SPINT4: variants seen among roughly 807,000 people sequenced by gnomAD.
The protein encoded by SPINT4 is kunitz-type protease inhibitor 4.
Under a neutral mutation model 9.4 loss-of-function variants are expected in SPINT4, and 7 were observed. The ratio of observed to expected loss-of-function variants is 0.74; its 90% confidence interval spans 0.42 to 1.40. SPINT4 has a LOEUF of 1.40. Ranked by LOEUF, SPINT4 falls within the 40% of genes most tolerant of loss-of-function variation. The pLI is 0.01. For synonymous variants in SPINT4, 36 were observed against 39.9 expected (o/e 0.90, Z 0.37); for missense variants, 105 against 114.4 (o/e 0.92, Z 0.37).
intron 2 of SPINT4, among the ~76,000 whole-genome samples, chr20:45,725,347 A>T (rs1978350718): frequency 6.6e-6 from 1 of 151,888 alleles, no homozygotes; most frequent in African/African-American, 2.4e-5. Flanking sequence ...TTCCCAGGAG[A>T]ACTGGCTGGA....
At chr20:45,725,544 G>C in intron 2 of SPINT4, 85 bp from the exon 3 acceptor site, 1 of 1,447,398 alleles carries the variant, frequency 6.9e-7, no homozygotes, top group Non-Finnish European at 9.7e-7. Context: ...CTTTCCCTAG[G>C]ATAAAAAATG....
chr20:45,725,531 G>A, intron 2 of SPINT4, 98 bp from the exon 3 acceptor site: 1 of 1,302,046 alleles, frequency 7.7e-7, no homozygotes, highest in Non-Finnish European at 1.1e-6. Flanking sequence ...GGCATCCTCT[G>A]TGCTTTCCCT....
chr20:45,722,585 T>G, intron 1 of SPINT4, 103 bp downstream of exon 1: 1 of 820,180 alleles, frequency 1.2e-6, no homozygotes, highest in Non-Finnish European at 2.0e-6. Flanking sequence ...AAGGTCTTCC[T>G]TTCATGACAA....
rs558091987 is a variant in SPINT4, at chr20:45,722,554, G to A, written c.115+72G>A. The A allele has an allele frequency of 9.5e-5, 109 of 1,144,426 alleles. No homozygotes were observed. The South Asian group carries it at 9.9e-4, about 10-fold the overall frequency. The allele number at this position is 1,144,426 out of a possible 1,614,324, so 70.9% of individuals were successfully genotyped here. On this transcript the variant is annotated intron_variant, in intron 1 of 2. Transcript: ENST00000279058. ...AGAGAGAAGGTATTGGGAGAAAAGT[G>A]TGTTATCTAGGTAGTCCAGGAAGGT...
chr20:45,723,864 G>A lies in SPINT4; in HGVS notation c.116-16G>A, dbSNP rs1169590672. ...CTTACCAATTCCCACTAACTCAATG[G>A]GAACCTCTCATGCAGATCCCTGCAA... On this transcript the variant is annotated splice_polypyrimidine_tract_variant and intron_variant, in intron 1 of 2. Transcript: ENST00000279058. 4 of 1,547,726 alleles carry A rather than the reference G, an allele frequency of 2.6e-6. No homozygotes were observed. Among genetic ancestry groups the A allele is most frequent in the African/African-American group, 1.4e-5 (1 of 70,382 alleles).
At chr20:45,725,493 A>G (rs1025611891) in intron 2 of SPINT4, 136 bp from the exon 3 acceptor site, 35 of 896,840 alleles carry the variant, frequency 3.9e-5, no homozygotes, top group Non-Finnish European at 4.6e-5. Context: ...AGATTAATCA[A>G]TAAAATAAGG....
rs1555809002 is a variant in SPINT4, at chr20:45,725,013, T to TATATATATACACAC, written c.294-607_294-606insCACACATATATATA. Among the ~76,000 whole-genome samples the TATATATATACACAC allele has an allele frequency of 1.3e-3, 64 of 49,524 alleles. 11 individuals carry two copies. Among genetic ancestry groups the TATATATATACACAC allele is most frequent in the African/African-American group, 9.6e-3 (62 of 6,468 alleles). The allele number at this position is 49,524 out of a possible 152,430, so 32.5% of individuals were successfully genotyped here. A position where few individuals can be genotyped will look rare whatever the true frequency, so the allele number is the denominator to read the frequency against. On this transcript the variant is annotated intron_variant, in intron 2 of 2. Transcript: ENST00000279058. ...AAAAAAAAATATATATATATATATATATATATATATATATCAATAGATATA... is the reference window on the plus strand; with the variant it reads ...AAAAAAAAATATATATATATATATATATATATATACACACATATATATATATATCAATAGATATA...
intron 2 of SPINT4, among the ~76,000 whole-genome samples, chr20:45,724,530 A>C (rs1450547084): frequency 7.0e-6 from 1 of 143,190 alleles, no homozygotes; most frequent in Non-Finnish European, 1.5e-5. Flanking sequence ...AAAAAAAAAA[A>C]AAACCACATT....
In SPINT4 at chr20:45,725,015, T is replaced by TATATACACAC. The variant is rs1555809007; in HGVS notation, c.294-609_294-608insCACACATATA. 8.8e-5 allele frequency among the ~76,000 whole-genome samples: 10 copies of TATATACACAC among 113,522 alleles called. 1 individual carries two copies. Among genetic ancestry groups the TATATACACAC allele is most frequent in the African/African-American group, 3.8e-4 (10 of 26,078 alleles). 74.5% of individuals were successfully genotyped at this position (113,522 alleles called of 152,430 possible). A position where few individuals can be genotyped will look rare whatever the true frequency, so the allele number is the denominator to read the frequency against. ...AAAAAAATATATATATATATATATA[T>TATATACACAC]ATATATATATATCAATAGATATATA... is the stretch of plus-strand genomic sequence containing the variant. On this transcript the variant is annotated intron_variant, in intron 2 of 2. Coordinates refer to ENST00000279058, the MANE Select transcript of SPINT4 (RefSeq NM_178455.3).
chr20:45,723,135 C>T (rs1397088134), intron 1 of SPINT4, among the ~76,000 whole-genome samples: 1 of 152,072 alleles, frequency 6.6e-6, no homozygotes, highest in Non-Finnish European at 1.5e-5. Context: ...CAGAAAAGTG[C>T]CTGCTGCAGA....
chr20:45,723,868 C>T lies in SPINT4; in HGVS notation c.116-12C>T. 6.4e-7 allele frequency: 1 copy of T among 1,558,208 alleles called. No homozygotes were observed. The highest frequency in any genetic ancestry group is 1.7e-4 in the Middle Eastern group (1 of 5,822). On this transcript the variant is annotated splice_polypyrimidine_tract_variant and intron_variant, in intron 1 of 2. Transcript: ENST00000279058. ...CCAATTCCCACTAACTCAATGGGAA[C>T]CTCTCATGCAGATCCCTGCAAATTG...
chr20:45,723,829 C>A (rs766801704), intron 1 of SPINT4, 51 bp from the exon 2 acceptor site: 1 of 1,453,118 alleles, frequency 6.9e-7, no homozygotes, highest in Admixed American at 2.5e-5. Context: ...ACAAGTTCTC[C>A]TGCTGAGTCC....
intron 1 of SPINT4, among the ~76,000 whole-genome samples, chr20:45,723,227 G>A (rs1984843242): frequency 6.6e-6 from 1 of 152,020 alleles, no homozygotes; most frequent in African/African-American, 2.4e-5. Flanking sequence ...GAGTAAGGTG[G>A]ATTGTCAATA....
intron 1 of SPINT4, 58 bp downstream of exon 1, chr20:45,722,540 A>G (rs998195288): frequency 7.7e-7 from 1 of 1,301,288 alleles, no homozygotes; most frequent in East Asian, 2.3e-5. Flanking sequence ...GAGAGAAGGT[A>G]TTGGGAGAAA....
chr20:45,725,615 C>T lies in SPINT4; in HGVS notation c.294-14C>T. The T allele has an allele frequency of 6.2e-7, 1 of 1,613,738 alleles. No individual in the cohort carries two copies. Among genetic ancestry groups the T allele is most frequent in the South Asian group, 1.1e-5 (1 of 91,068 alleles). ...TAACACCGATTTGGGTTTTTCTTTC[C>T]TTTGCTTAAACAGGAGGTGAGAGGA... is the stretch of plus-strand genomic sequence containing the variant. On this transcript the variant is annotated splice_polypyrimidine_tract_variant and intron_variant, in intron 2 of 2. Coordinates refer to ENST00000279058, the MANE Select transcript of SPINT4 (RefSeq NM_178455.3).
intron 2 of SPINT4, 104 bp downstream of exon 2, chr20:45,724,161 G>C: frequency 8.0e-7 from 1 of 1,243,686 alleles, no homozygotes; most frequent in Non-Finnish European, 1.1e-6. Flanking sequence ...TGCTTGGAGT[G>C]GGAAGAGGGA....
intron 2 of SPINT4, among the ~76,000 whole-genome samples, chr20:45,724,327 A>G (rs759304800): frequency 8.6e-5 from 13 of 151,792 alleles, no homozygotes; most frequent in Non-Finnish European, 1.9e-4. Context: ...CATCTTTACT[A>G]AAAATACAAA....
chr20:45,722,823 G>C (rs1212879239), intron 1 of SPINT4, among the ~76,000 whole-genome samples: 4 of 152,124 alleles, frequency 2.6e-5, no homozygotes. Context: ...AAGGGGGTTG[G>C]AGACAGAGCA....
At position 45,724,020 on chromosome 20, in the gene SPINT4, G is replaced by T. The variant is rs777955330; in HGVS notation, c.256G>T (p.Glu86Ter). ...GNLNNFKLKI[E>*]REVACVAKYK... ...CCTTAACAACTTCAAGCTTAAAATA[G>T]AACGTGAAGTAGCCTGTGTTGCAAA... The change falls in exon 2 of 3, where the codon GAA becomes TAA. Residue 86 changes from glutamate to a stop codon, truncating the protein, a stop_gained. Coordinates refer to ENST00000279058, the MANE Select transcript of SPINT4 (RefSeq NM_178455.3). LOFTEE classifies it low-confidence loss of function (END_TRUNC). 9.3e-6 allele frequency: 15 copies of T among 1,610,664 alleles called. 1 individual carries two copies. Among genetic ancestry groups the T allele is most frequent in the Non-Finnish European group, 1.3e-5 (15 of 1,179,068 alleles).
Sources: allele counts gnomAD v4.1 joint callset (sites outside exome capture counted in the v4.1 genomes callset), GRCh38; gene constraint gnomAD v4.1.1; transcripts MANE v1.5; gene names NCBI Gene and HGNC (gene_info 2026-07-23, HGNC 2026-07-21).